Variants in CNGA3 observed in about 807,000 individuals in gnomAD.
The protein encoded by CNGA3 is cyclic nucleotide gated channel subunit alpha 3.
A neutral mutation model predicts 46.6 loss-of-function variants in CNGA3; 42 were observed. The observed-to-expected ratio is 0.90, with a 90% CI of 0.70 to 1.17. The LOEUF is 1.17. Among genes scored for constraint, CNGA3 ranks in the 50% most tolerant of loss-of-function variants. The pLI is 0.00. For synonymous variants in CNGA3, 394 were observed against 369.4 expected (o/e 1.07, Z -0.76); for missense variants, 893 against 890.7 (o/e 1.00, Z -0.03).
chr2:98,388,674 C>T (rs1384566349), intron 5 of CNGA3, among the ~76,000 whole-genome samples: 1 of 152,240 alleles, frequency 6.6e-6, no homozygotes, highest in East Asian at 1.9e-4. Flanking sequence ...GCCCCCCACC[C>T]GAAGCATTTC....
chr2:98,396,166 A>C lies in CNGA3; in HGVS notation c.996A>C (p.Thr332=). The change falls in exon 8 of 8, where the codon ACA becomes ACC. Residue 332 remains threonine (T), a synonymous_variant. Coordinates refer to ENST00000272602, the MANE Select transcript of CNGA3 (RefSeq NM_001298.3). The part of the protein sequence containing the change: ...FAISKFIGFG[T]DSWVYPNISI... The stretch of plus-strand genomic sequence containing the variant: ...TTTCCAAGTTCATTGGTTTTGGGAC[A>C]GACTCCTGGGTCTACCCAAACATCT... 1 of 1,614,230 alleles carries C rather than the reference A, an allele frequency of 6.2e-7. No homozygotes were observed. The highest frequency in any genetic ancestry group is 8.5e-7 in the Non-Finnish European group (1 of 1,180,044).
At chr2:98,374,596 G>A (rs1692364052) in intron 2 of CNGA3, among the ~76,000 whole-genome samples, 1 of 152,096 alleles carries the variant, frequency 6.6e-6, no homozygotes, top group Non-Finnish European at 1.5e-5. Context: ...CGGTACCTGT[G>A]TGTCCTTGGG....
In CNGA3 at chr2:98,396,796, CG is replaced by C; in HGVS notation, c.1627del (p.Asp543MetfsTer11). The C allele has an allele frequency of 1.9e-6, 3 of 1,614,166 alleles. No individual in the cohort carries two copies. The East Asian group carries it at 6.7e-5, about 36-fold the overall frequency. ...DGVTQFVVLS[D>X]GSYFGEISIL... ...GGGTCACCCAGTTCGTGGTCCTCAG[CG>C]ATGGCAGCTACTTCGGGGAGATCAG... On this transcript the variant is annotated frameshift_variant, in exon 8 of 8. Coordinates refer to ENST00000272602, the MANE Select transcript of CNGA3 (RefSeq NM_001298.3). LOFTEE classifies it high-confidence loss of function.
chr2:98,387,903 A>G (rs112276114), intron 5 of CNGA3, among the ~76,000 whole-genome samples: 2 of 152,014 alleles, frequency 1.3e-5, no homozygotes, highest in Non-Finnish European at 2.9e-5. Context: ...AACTTTCCCA[A>G]CTTCAATGTG....
Position 98,392,055 on chromosome 2 carries a change from C to T in CNGA3, c.673+85C>T, listed in dbSNP as rs576588154. On this transcript the variant is annotated intron_variant, in intron 7 of 7. Transcript: ENST00000272602. ...CCCAGCATGGTGGATGGGACATTAC[C>T]TACCCTTGACCATGAGAGGCCAGGC... is the stretch of plus-strand genomic sequence containing the variant. 4.9e-6 allele frequency: 6 copies of T among 1,214,434 alleles called. No individual in the cohort carries two copies. In the Admixed American group the frequency reaches 7.3e-5, roughly 15 times the overall value. 75.2% of individuals were successfully genotyped at this position (1,214,434 alleles called of 1,614,324 possible).
At chr2:98,389,513 A>ATG in intron 5 of CNGA3, 145 bp from the exon 6 acceptor site, 1 of 758,792 alleles carries the variant, frequency 1.3e-6, no homozygotes, top group Non-Finnish European at 2.4e-6. Flanking sequence ...GGGACTCCCC[A>ATG]TGTGACTCCC....
chr2:98,360,789 T>C (rs1013605791), intron 1 of CNGA3, among the ~76,000 whole-genome samples: 2 of 152,202 alleles, frequency 1.3e-5, no homozygotes, highest in Admixed American at 1.3e-4. Context: ...ACCTCACACG[T>C]TCTTTGGAAA....
At chr2:98,366,589 C>T (rs762803005) in intron 1 of CNGA3, among the ~76,000 whole-genome samples, 2 of 152,244 alleles carry the variant, frequency 1.3e-5, no homozygotes, top group Admixed American at 6.5e-5. Context: ...GCTGGGGTTG[C>T]TGAAATTCCA....
At chr2:98,394,751 C>A (rs1692868165) in intron 7 of CNGA3, among the ~76,000 whole-genome samples, 1 of 152,220 alleles carries the variant, frequency 6.6e-6, no homozygotes, top group African/African-American at 2.4e-5. Flanking sequence ...CTCAGGAAGT[C>A]AAACTCACTC....
chr2:98,367,201 T>TTTTTTTA (rs1257482068), intron 1 of CNGA3, among the ~76,000 whole-genome samples: 8 of 147,880 alleles, frequency 5.4e-5, no homozygotes, highest in Non-Finnish European at 9.0e-5. Flanking sequence ...TTTTTTTTTT[T>TTTTTTTA]ATTGAGACAG....
intron 1 of CNGA3, among the ~76,000 whole-genome samples, chr2:98,347,516 A>C (rs1296409941): frequency 6.6e-6 from 1 of 152,078 alleles, no homozygotes; most frequent in Non-Finnish European, 1.5e-5. Context: ...CTGGGACTTT[A>C]ACTTCGGCCC....
chr2:98,347,776 C>A (rs182747077), intron 1 of CNGA3, among the ~76,000 whole-genome samples: 1 of 152,352 alleles, frequency 6.6e-6, no homozygotes, highest in Admixed American at 6.5e-5. Flanking sequence ...AGGAATGGCA[C>A]CCACCCGGGT....
At chr2:98,384,101 G>T (rs1438530012) in intron 5 of CNGA3, among the ~76,000 whole-genome samples, 1 of 152,092 alleles carries the variant, frequency 6.6e-6, no homozygotes, top group Non-Finnish European at 1.5e-5. Flanking sequence ...GTGTTAGCCA[G>T]GATGGTCTCG....
At chr2:98,379,972 G>T (rs944372635) in intron 3 of CNGA3, 5 of 631,502 alleles carry the variant, frequency 7.9e-6, no homozygotes, top group Non-Finnish European at 1.1e-5. Flanking sequence ...GGGAGAAGGG[G>T]ATAAACGGTC....
chr2:98,365,491 G>A (rs56289599), intron 1 of CNGA3, among the ~76,000 whole-genome samples: 29,117 of 152,102 alleles, frequency 0.19, 3,168 homozygotes, highest in Non-Finnish European at 0.26. Context: ...ATGATACCCT[G>A]AAGTGTGTTT....
chr2:98,364,961 G>T (rs1692112467), intron 1 of CNGA3, among the ~76,000 whole-genome samples: 1 of 152,078 alleles, frequency 6.6e-6, no homozygotes, highest in Non-Finnish European at 1.5e-5. Context: ...TGGCTTGTAG[G>T]GTTTCTGGGG....
chr2:98,346,874 C>G (rs1691638839), intron 1 of CNGA3: 1 of 156,570 alleles, frequency 6.4e-6, no homozygotes, highest in Non-Finnish European at 1.4e-5. Context: ...GGGCCGAGCC[C>G]GCTGAGCCGT....
Position 98,380,363 on chromosome 2 carries a change from CG to C in CNGA3, c.395+11del, listed in dbSNP as rs1449931784. The C allele has an allele frequency of 1.2e-6, 2 of 1,612,868 alleles. No homozygotes were observed. Among genetic ancestry groups the C allele is most frequent in the Non-Finnish European group, 1.7e-6 (2 of 1,179,400 alleles). On this transcript the variant is annotated intron_variant, in intron 4 of 7. Coordinates refer to ENST00000272602, the MANE Select transcript of CNGA3 (RefSeq NM_001298.3). ...GCAGACAGAGGGAGAAGGTAAGGAACGGAAAAGAAGAAGGGGCCTCTGGTGC... is the reference window on the plus strand; with the variant it reads ...GCAGACAGAGGGAGAAGGTAAGGAACGAAAAGAAGAAGGGGCCTCTGGTGC...
At chr2:98,364,892 A>T (rs1210442218) in intron 1 of CNGA3, among the ~76,000 whole-genome samples, 2 of 152,136 alleles carry the variant, frequency 1.3e-5, no homozygotes, top group African/African-American at 2.4e-5. Context: ...CCAGATAGGA[A>T]ATTCTGGGTT....
Sources: gnomAD v4.1 joint callset for allele counts (sites outside exome capture counted in the v4.1 genomes callset) on GRCh38, gnomAD v4.1.1 for gene constraint, MANE v1.5 for transcripts, NCBI Gene and HGNC (gene_info 2026-07-23, HGNC 2026-07-21) for gene names.